Variants in IL5RA observed in about 807,000 individuals in gnomAD.
IL5RA encodes the protein interleukin 5 receptor subunit alpha, also known as interleukin-5 receptor subunit alpha.
In IL5RA, 49 loss-of-function variants were observed where a neutral mutation model predicts 50.0. The ratio of observed to expected loss-of-function variants is 0.98; its 90% CI spans 0.78 to 1.24. The LOEUF (loss-of-function observed/expected upper bound fraction) is 1.24. Among genes scored for constraint, IL5RA ranks in the 50% most tolerant of loss-of-function variants. The pLI is 0.00. For missense variants in IL5RA, 600 were observed against 500.4 expected, an observed-to-expected ratio of 1.20 and a Z score of -1.90; for synonymous variants, 202 against 174.0, an observed-to-expected ratio of 1.16 and a Z score of -1.26.
At chr3:3,096,942 C>T (rs2125979111) in intron 7 of IL5RA, among the ~76,000 whole-genome samples, 1 of 152,254 alleles carries the variant, frequency 6.6e-6, no homozygotes, top group South Asian at 2.1e-4. Context: ...AGTATTGATT[C>T]CTCTCCATTG....
Position 3,070,034 on chromosome 3 carries a change from G to A in IL5RA, c.*191C>T, listed in dbSNP as rs1224463572. The A allele has an allele frequency of 1.9e-6, 1 of 532,636 alleles. No individual in the cohort carries two copies. Among genetic ancestry groups the A allele is most frequent in the Non-Finnish European group, 3.4e-6 (1 of 296,182 alleles). The allele number at this position is 532,636 out of a possible 1,614,324, so 33.0% of individuals were successfully genotyped here. On this transcript the variant is annotated 3_prime_UTR_variant, in exon 12 of 12. Coordinates refer to ENST00000446632, the MANE Select transcript of IL5RA (RefSeq NM_175726.4). ...GGATGAGTCAACTTCCCTGCTGTAG[G>A]TGAGGCGATTTGGATGAAGCATCCA... is the stretch of plus-strand genomic sequence containing the variant.
Position 3,095,430 on chromosome 3 carries a change from G to C in IL5RA, c.724C>G (p.Pro242Ala). The stretch of plus-strand genomic sequence containing the variant: ...TCAATCTCTGCTGTGACATTCAGTG[G>C]AGGATTTATTTGATCTAAGTTAGGG... ...ALHAIDQINP[P>A]LNVTAEIEGT... The change falls in exon 8 of 12, where the codon CCA becomes GCA. Residue 242 changes from proline (P) to alanine (A), a missense_variant. Coordinates refer to ENST00000446632, the MANE Select transcript of IL5RA (RefSeq NM_175726.4). 1 of 1,610,302 alleles carries C rather than the reference G, an allele frequency of 6.2e-7. No homozygotes were observed. Among genetic ancestry groups the C allele is most frequent in the Non-Finnish European group, 8.5e-7 (1 of 1,179,002 alleles).
chr3:3,100,330 TTTC>T (rs1475407050), intron 5 of IL5RA, among the ~76,000 whole-genome samples: 1 of 150,530 alleles, frequency 6.6e-6, no homozygotes. Context: ...TAAAGATGGA[TTTC>T]TTCTTCATAT....
chr3:3,098,170 G>A lies in IL5RA; in HGVS notation c.488C>T (p.Ala163Val), dbSNP rs1422646378. 2 of 1,614,130 alleles carry A rather than the reference G, an allele frequency of 1.2e-6. No individual in the cohort carries two copies. Among genetic ancestry groups the A allele is most frequent in the South Asian group, 1.1e-5 (1 of 91,080 alleles). The change falls in exon 6 of 12, where the codon GCC becomes GTC. Residue 163 changes from alanine (A) to valine (V), a missense_variant. By Grantham distance (64) the Ala-to-Val change is moderately conservative (BLOSUM62 0). Coordinates refer to ENST00000446632, the MANE Select transcript of IL5RA (RefSeq NM_175726.4). The stretch of plus-strand genomic sequence containing the variant: ...GAGAAAATACTGCGTGTCCTCAGGG[G>A]CATCTGTGCCAACAAGCCAGGTGCA... The part of the protein sequence containing the change: ...LHCTWLVGTD[A>V]PEDTQYFLYY...
intron 8 of IL5RA, among the ~76,000 whole-genome samples, chr3:3,093,855 C>T (rs1010584193): frequency 9.9e-5 from 15 of 152,192 alleles, no homozygotes; most frequent in African/African-American, 3.6e-4. Context: ...ATTGAATTGG[C>T]TTTGTCTACT....
intron 6 of IL5RA, 28 bp from the exon 7 acceptor site, chr3:3,098,085 G>A (rs1360729888): frequency 6.2e-7 from 1 of 1,613,842 alleles, no homozygotes; most frequent in African/African-American, 1.3e-5. Context: ...CGAGTGTTAT[G>A]AGGTTGCAGG....
intron 9 of IL5RA, among the ~76,000 whole-genome samples, chr3:3,088,609 C>G (rs1377477652): frequency 6.6e-6 from 1 of 152,182 alleles, no homozygotes; most frequent in Non-Finnish European, 1.5e-5. Flanking sequence ...TTCTTTTTCA[C>G]CTAATACGTT....
intron 2 of IL5RA, among the ~76,000 whole-genome samples, chr3:3,107,305 C>T (rs1458811280): frequency 6.6e-6 from 1 of 150,494 alleles, no homozygotes; most frequent in African/African-American, 2.4e-5. Context: ...AGTACTAGAG[C>T]TTCAGGATTT....
intron 7 of IL5RA, 131 bp from the exon 8 acceptor site, chr3:3,095,575 T>C: frequency 1.3e-6 from 1 of 742,076 alleles, no homozygotes. Flanking sequence ...CATCAGGTCT[T>C]AATCAACTGA....
At chr3:3,102,144 G>A (rs1386323483) in intron 4 of IL5RA, among the ~76,000 whole-genome samples, 3 of 152,226 alleles carry the variant, frequency 2.0e-5, no homozygotes, top group East Asian at 1.9e-4. Flanking sequence ...CTGAAAAATA[G>A]TGAATATGAA....
intron 9 of IL5RA, among the ~76,000 whole-genome samples, chr3:3,084,877 C>T (rs1340993634): frequency 6.6e-6 from 1 of 152,244 alleles, no homozygotes; most frequent in Admixed American, 6.5e-5. Context: ...CAGGGGCTGG[C>T]CCCCTGACAG....
chr3:3,080,116 AAG>A (rs1488133437), intron 9 of IL5RA, among the ~76,000 whole-genome samples: 1 of 152,216 alleles, frequency 6.6e-6, no homozygotes, highest in African/African-American at 2.4e-5. Context: ...AAAAAGAAAA[AAG>A]AAAAATCAGT....
rs1239943581 is a variant in IL5RA, at chr3:3,092,657, C to T, written c.856-295G>A. Among the ~76,000 whole-genome samples the T allele has an allele frequency of 3.3e-5, 5 of 152,274 alleles. No homozygotes were observed. Among genetic ancestry groups the T allele is most frequent in the South Asian group, 2.1e-4 (1 of 4,824 alleles). The stretch of plus-strand genomic sequence containing the variant: ...TTTCCAGACTGAAAGACTGGAGTGG[C>T]CTATGCTAGAATGCATTATTCCCTC... On this transcript the variant is annotated intron_variant, in intron 8 of 11. Coordinates refer to ENST00000446632, the MANE Select transcript of IL5RA (RefSeq NM_175726.4). This position sits in a 1 kb window ranked among gnomAD's most constrained non-coding sequence, Gnocchi z 4.2.
chr3:3,092,311 T>C lies in IL5RA; in HGVS notation c.907A>G (p.Lys303Glu). The C allele has an allele frequency of 6.2e-7, 1 of 1,614,008 alleles. No individual in the cohort carries two copies. The highest frequency in any genetic ancestry group is 8.5e-7 in the Non-Finnish European group (1 of 1,179,950). The change falls in exon 9 of 12, where the codon AAG becomes GAG. Residue 303 changes from lysine to glutamate, a missense_variant. By Grantham distance (56) the Lys-to-Glu change is moderately conservative. Coordinates refer to ENST00000446632, the MANE Select transcript of IL5RA (RefSeq NM_175726.4). The surrounding 1 kb of genome is among the most constrained non-coding windows in gnomAD (Gnocchi z 4.2). ...GCTGCTCTCACTTGAACATCGTACT[T>C]AGAAAGATCATCAATTATTGAGATG... is the stretch of plus-strand genomic sequence containing the variant. ...AFISIIDDLS[K>E]YDVQVRAAVS...
Position 3,068,096 on chromosome 3 carries a change from G to C in IL5RA, c.*2129C>G, listed in dbSNP as rs1702179382. 6.6e-6 allele frequency: 1 copy of C among 152,226 alleles called. No homozygotes were observed. Among genetic ancestry groups the C allele is most frequent in the Non-Finnish European group, 1.5e-5 (1 of 68,060 alleles). 9.4% of individuals were successfully genotyped at this position (152,226 alleles called of 1,614,324 possible). A position where few individuals can be genotyped will look rare whatever the true frequency, so the allele number is the denominator to read the frequency against. On this transcript the variant is annotated 3_prime_UTR_variant, in exon 12 of 12. Coordinates refer to ENST00000446632, the MANE Select transcript of IL5RA (RefSeq NM_175726.4). Reference sequence around the variant, plus strand: ...TTCATAAGACTCTCCTGGAGCAGCAGTTCTCCGAGTGTGTCCTGGAGACCA... The same window carrying C: ...TTCATAAGACTCTCCTGGAGCAGCACTTCTCCGAGTGTGTCCTGGAGACCA...
At chr3:3,105,063 A>C in intron 2 of IL5RA, 76 bp from the exon 3 acceptor site, 1 of 947,894 alleles carries the variant, frequency 1.1e-6, no homozygotes, top group South Asian at 1.4e-5. Flanking sequence ...TTTCTAACAT[A>C]AAATGCAGTC....
Position 3,087,508 on chromosome 3 carries a change from C to T in IL5RA, c.994+4716G>A, listed in dbSNP as rs181376028. Among the ~76,000 whole-genome samples the T allele has an allele frequency of 9.9e-4, 150 of 152,270 alleles. 1 individual carries two copies. The highest frequency in any genetic ancestry group is 3.4e-3 in the African/African-American group (140 of 41,538). On this transcript the variant is annotated intron_variant, in intron 9 of 11. Coordinates refer to ENST00000446632, the MANE Select transcript of IL5RA (RefSeq NM_175726.4). ...GGTTAATTAGTTAATCAAATCTATT[C>T]TAATTCACTGATTGGCTCATATGTC...
chr3:3,084,054 A>T (rs1271131535), intron 9 of IL5RA, among the ~76,000 whole-genome samples: 4 of 54,212 alleles, frequency 7.4e-5, no homozygotes, highest in African/African-American at 2.0e-4. Flanking sequence ...TCCATCTCAT[A>T]AAAAAAAAAA....
chr3:3,087,509 T>C (rs1233892758), intron 9 of IL5RA, among the ~76,000 whole-genome samples: 2 of 152,220 alleles, frequency 1.3e-5, no homozygotes, highest in Non-Finnish European at 2.9e-5. Flanking sequence ...AAATCTATTC[T>C]AATTCACTGA....
Sources: gnomAD v4.1 joint callset for allele counts (sites outside exome capture counted in the v4.1 genomes callset) on GRCh38, gnomAD v4.1.1 for gene constraint, Gnocchi (gnomAD v3.1) non-coding constraint, MANE v1.5 for transcripts, NCBI Gene and HGNC (gene_info 2026-07-23, HGNC 2026-07-21) for gene names.